Variants in RUBCNL observed in about 807,000 individuals in gnomAD.
The protein encoded by RUBCNL is protein associated with UVRAG as autophagy enhancer.
In RUBCNL, 62 loss-of-function variants were observed where a neutral mutation model predicts 69.5. That is an observed-to-expected ratio of 0.89 (90% CI 0.73 to 1.10). The LOEUF (loss-of-function observed/expected upper bound fraction) is 1.10, where lower values mean the gene tolerates loss of function less well. Ranked by LOEUF, RUBCNL falls within the 50% of genes least tolerant of loss-of-function variation. The pLI, the probability that RUBCNL is intolerant of heterozygous loss-of-function variation, is 0.00. For missense variants in RUBCNL, 768 were observed against 798.1 expected (o/e 0.96, Z 0.45); for synonymous variants, 291 against 303.6 (o/e 0.96, Z 0.43).
In RUBCNL at chr13:46,344,725, T is replaced by C. The variant is rs1422722705; in HGVS notation, c.1876+16A>G. On this transcript the variant is annotated intron_variant, in intron 14 of 14. Coordinates refer to ENST00000429979, the MANE Select transcript of RUBCNL (RefSeq NM_025113.5). Reference sequence around the variant, plus strand: ...TTAACCTATTATTAAGCTTATGTTATTAAGTTATTAAATACCTGAACATCT... The same window carrying C: ...TTAACCTATTATTAAGCTTATGTTACTAAGTTATTAAATACCTGAACATCT... The C allele has an allele frequency of 1.2e-5, 18 of 1,541,000 alleles. No homozygotes were observed. The highest frequency in any genetic ancestry group is 1.6e-5 in the Non-Finnish European group (18 of 1,121,508).
chr13:46,345,728 G>T, intron 12 of RUBCNL, 128 bp from the exon 13 acceptor site: 1 of 915,166 alleles, frequency 1.1e-6, no homozygotes, highest in Non-Finnish European at 1.6e-6. Flanking sequence ...AAAATAAATA[G>T]CTCCAAGAAC....
intron 12 of RUBCNL, among the ~76,000 whole-genome samples, chr13:46,347,322 G>A (rs369001854): frequency 3.9e-5 from 6 of 152,038 alleles, no homozygotes; most frequent in South Asian, 4.2e-4. Flanking sequence ...CACGAGAATC[G>A]CTTGAACCTG....
intron 2 of RUBCNL, among the ~76,000 whole-genome samples, chr13:46,374,851 C>T (rs569046856): frequency 6.6e-6 from 1 of 152,276 alleles, no homozygotes; most frequent in South Asian, 2.1e-4. Context: ...CCTAGGAATG[C>T]TGTTTTATGT....
rs748163000 is a variant in RUBCNL at position 46,362,583 on chromosome 13, T to A, written c.941A>T (p.Asn314Ile). 5 of 1,608,468 alleles carry A rather than the reference T, an allele frequency of 3.1e-6. No individual in the cohort carries two copies. The African/African-American group carries it at 4.0e-5, about 13-fold the overall frequency. The stretch of plus-strand genomic sequence containing the variant: ...ACAGCTACAGGTTTCTGTGATATCA[T>A]TAAAATCTCCAAGCTCTGTGGGAAA... ...EFVILELGDFNDITETCSCSC... is the reference protein window; with the variant it reads ...EFVILELGDFIDITETCSCSC... Residue 314 changes from asparagine to isoleucine, a missense_variant, in exon 7 of 15, where the codon AAT (asparagine) becomes ATT (isoleucine). Coordinates refer to ENST00000429979, the MANE Select transcript of RUBCNL (RefSeq NM_025113.5).
At chr13:46,378,064 G>A (rs2049036151) in intron 1 of RUBCNL, 59 bp from the exon 2 acceptor site, 1 of 876,500 alleles carries the variant, frequency 1.1e-6, no homozygotes, top group African/African-American at 1.7e-5. Context: ...TATGTTACTT[G>A]TTGCCATATT....
Position 46,357,015 on chromosome 13 carries a change from C to T in RUBCNL, c.1266-519G>A, listed in dbSNP as rs1303285068. On this transcript the variant is annotated intron_variant, in intron 9 of 14. Transcript: ENST00000429979. ...AAGTGCTGGAATTACAGGCATGAGC[C>T]GCCGTGCCCAGCCTTAAAGCTACAT... Among the ~76,000 whole-genome samples, 10 of 150,570 alleles carry T rather than the reference C, an allele frequency of 6.6e-5. No individual in the cohort carries two copies. In the South Asian group the frequency reaches 1.9e-3, roughly 29 times the overall value.
rs2138658316 is a variant in RUBCNL at position 46,342,337 on chromosome 13, AGCCCT to A, written c.*1043_*1047del. 1 of 152,336 alleles carries A rather than the reference AGCCCT, an allele frequency of 6.6e-6. No homozygotes were observed. Among genetic ancestry groups the A allele is most frequent in the African/African-American group, 2.4e-5 (1 of 41,584 alleles). 9.4% of individuals were successfully genotyped at this position (152,336 alleles called of 1,614,324 possible). A position where few individuals can be genotyped will look rare whatever the true frequency, so the allele number is the denominator to read the frequency against. Reference sequence around the variant, plus strand: ...TGAATCCCAGGGAATGTAATGCCCAAGCCCTAGGTTGCAAACCGTTCAGTCTAAAG... The same window carrying A: ...TGAATCCCAGGGAATGTAATGCCCAAAGGTTGCAAACCGTTCAGTCTAAAG... On this transcript the variant is annotated 3_prime_UTR_variant, in exon 15 of 15. Transcript: ENST00000429979.
upstream of RUBCNL, chr13:46,387,707 T>G (rs2049282294): frequency 8.1e-6 from 8 of 985,640 alleles, no homozygotes; most frequent in Non-Finnish European, 9.6e-6. Flanking sequence ...CTCTGACCTC[T>G]GCTGGCTGCT....
rs1347935628 is a variant in RUBCNL at position 46,372,330 on chromosome 13, T to A, written c.146A>T (p.His49Leu). The A allele has an allele frequency of 6.2e-7, 1 of 1,613,876 alleles. No individual in the cohort carries two copies. Among genetic ancestry groups the A allele is most frequent in the Non-Finnish European group, 8.5e-7 (1 of 1,179,896 alleles). Residue 49 changes from histidine (H) to leucine (L), a missense_variant, in exon 3 of 15, where the codon CAC becomes CTC. Coordinates refer to ENST00000429979, the MANE Select transcript of RUBCNL (RefSeq NM_025113.5). ...CTGGGGGTTAATCCAGACAGCTTTG[T>A]GCCTCATGAGCCTGATGTCTAATTG... ...PCQLDIRLMR[H>L]KAVWINPQDV...
At chr13:46,371,893 C>A (rs1461615751) in intron 3 of RUBCNL, 48 bp downstream of exon 3, 14 of 1,579,516 alleles carry the variant, frequency 8.9e-6, no homozygotes, top group Middle Eastern at 1.7e-4. Context: ...CAAGGCGAAG[C>A]AAGGGTGTGA....
chr13:46,343,440 G>A lies in RUBCNL; in HGVS notation c.1934C>T (p.Ala645Val), dbSNP rs749299358. The A allele has an allele frequency of 8.1e-6, 13 of 1,613,910 alleles. No individual in the cohort carries two copies. Among genetic ancestry groups the A allele is most frequent in the East Asian group, 2.2e-5 (1 of 44,874 alleles). Residue 645 changes from alanine (A) to valine (V), a missense_variant, in exon 15 of 15, where the codon GCG (alanine) becomes GTG (valine). Physicochemically the swap from Ala to Val is moderately conservative, Grantham distance 64. Coordinates refer to ENST00000429979, the MANE Select transcript of RUBCNL (RefSeq NM_025113.5). ...AAGTTTTCTCCTCGCTGTGATCCTCGCACACCGGGGGCACTCGGAGGACTG... is the reference window on the plus strand; with the variant it reads ...AAGTTTTCTCCTCGCTGTGATCCTCACACACCGGGGGCACTCGGAGGACTG... ...CFQSSECPRC[A>V]RITARRKLLE... is the part of the protein sequence containing the mutation.
At chr13:46,389,566 T>C (rs897070559), upstream of RUBCNL, among the ~76,000 whole-genome samples, 1 of 152,210 alleles carries the variant, frequency 6.6e-6, no homozygotes, top group East Asian at 1.9e-4. The surrounding 1 kb of genome is among the most constrained non-coding windows in gnomAD (Gnocchi z 4.2). Context: ...TGGACCAAGA[T>C]TGTGGGCTTT....
chr13:46,368,387 C>G, intron 4 of RUBCNL, 138 bp from the exon 5 acceptor site: 1 of 1,420,210 alleles, frequency 7.0e-7, no homozygotes, highest in Non-Finnish European at 9.3e-7. Flanking sequence ...ACTGAGTTAT[C>G]ATAGGTCACT....
intron 5 of RUBCNL, among the ~76,000 whole-genome samples, chr13:46,363,848 A>G (rs1181415717): frequency 3.3e-5 from 5 of 150,770 alleles, no homozygotes; most frequent in Non-Finnish European, 1.5e-5. Context: ...GTGACAGAGT[A>G]AGACCCTGTC....
Position 46,371,925 on chromosome 13 carries a change from C to CACCT in RUBCNL, c.535+12_535+15dup, listed in dbSNP as rs770760510. The CACCT allele has an allele frequency of 7.4e-6, 12 of 1,612,232 alleles. No individual in the cohort carries two copies. On this transcript the variant is annotated intron_variant, in intron 3 of 14. Transcript: ENST00000429979. Reference sequence around the variant, plus strand: ...GTGAACAGAGAGGAATGAGGGAGGTCACCTACTAAAATTACCTTCATCAGC... The same window carrying CACCT: ...GTGAACAGAGAGGAATGAGGGAGGTCACCTACCTACTAAAATTACCTTCATCAGC...
Position 46,339,413 on chromosome 13 carries a change from C to T in RUBCNL, c.*3972G>A, listed in dbSNP as rs1000424485. On this transcript the variant is annotated 3_prime_UTR_variant, in exon 15 of 15. Transcript: ENST00000429979. ...GCGATGAGTTCAGGAAGGCTTCCTG[C>T]AGGTAGCATCTGACGGTGGCTAAGC... Among the ~76,000 whole-genome samples the T allele has an allele frequency of 2.0e-5, 3 of 152,188 alleles. No homozygotes were observed. Among genetic ancestry groups the T allele is most frequent in the African/African-American group, 4.8e-5 (2 of 41,444 alleles).
At chr13:46,357,022 C>A (rs1430314244) in intron 9 of RUBCNL, among the ~76,000 whole-genome samples, 1 of 150,710 alleles carries the variant, frequency 6.6e-6, no homozygotes, top group African/African-American at 2.4e-5. Context: ...AGCCGCCGTG[C>A]CCAGCCTTAA....
intron 14 of RUBCNL, among the ~76,000 whole-genome samples, 183 bp downstream of exon 14, chr13:46,344,558 T>C (rs1249386861): frequency 6.6e-6 from 1 of 152,182 alleles, no homozygotes; most frequent in Non-Finnish European, 1.5e-5. Context: ...CCTCCTTCTG[T>C]GCCCAAAACT....
At chr13:46,387,400 T>A (rs1373484379), upstream of RUBCNL, 1 of 985,160 alleles carries the variant, frequency 1.0e-6, no homozygotes, top group Non-Finnish European at 1.2e-6. Context: ...GTCGCCCAGA[T>A]GGAAGAAACT....
Sources: gnomAD v4.1 joint callset for allele counts (sites outside exome capture counted in the v4.1 genomes callset) on GRCh38, gnomAD v4.1.1 for gene constraint, Gnocchi (gnomAD v3.1) non-coding constraint, MANE v1.5 for transcripts, NCBI Gene and HGNC (gene_info 2026-07-23, HGNC 2026-07-21) for gene names.